Variants in PIP4K2B observed in about 807,000 individuals in gnomAD.
The protein encoded by PIP4K2B is phosphatidylinositol 5-phosphate 4-kinase type-2 beta.
Under a neutral mutation model 42.0 loss-of-function variants are expected in PIP4K2B, and 3 were observed. That is an observed-to-expected ratio of 0.07 (90% confidence interval 0.03 to 0.18). The LOEUF (loss-of-function observed/expected upper bound fraction) is 0.18, where lower values mean the gene tolerates loss of function less well. Ranked by LOEUF, PIP4K2B falls within the 10% of genes least tolerant of loss-of-function variation. The pLI, the probability that PIP4K2B is intolerant of heterozygous loss-of-function variation, is 1.00. For missense variants in PIP4K2B, 332 were observed against 562.3 expected (o/e 0.59, Z 4.14); for synonymous variants, 204 against 210.1 (o/e 0.97, Z 0.25).
At chr17:38,788,780 ATCTC>A (rs1910181310) in intron 1 of PIP4K2B, among the ~76,000 whole-genome samples, 1 of 151,978 alleles carries the variant, frequency 6.6e-6, no homozygotes, top group Non-Finnish European at 1.5e-5. Flanking sequence ...GTGAAACCCT[ATCTC>A]TACTAAAAAT....
At chr17:38,791,164 G>C (rs1485257078) in intron 1 of PIP4K2B, among the ~76,000 whole-genome samples, 5 of 152,144 alleles carry the variant, frequency 3.3e-5, no homozygotes, top group Non-Finnish European at 7.3e-5. Context: ...GAGGCTCAGA[G>C]AAGGATGAGG....
At chr17:38,780,148 G>A (rs1028211019) in intron 4 of PIP4K2B, among the ~76,000 whole-genome samples, 8 of 152,196 alleles carry the variant, frequency 5.3e-5, no homozygotes, top group Non-Finnish European at 1.0e-4. Flanking sequence ...GAGATGGGAC[G>A]GGAAAAGAAA....
rs1009005379 is a variant in PIP4K2B at position 38,768,525 on chromosome 17, G to C, written c.*1166C>G. 2 of 152,436 alleles carry C rather than the reference G, an allele frequency of 1.3e-5. No homozygotes were observed. 9.4% of individuals were successfully genotyped at this position (152,436 alleles called of 1,614,324 possible). On this transcript the variant is annotated 3_prime_UTR_variant, in exon 10 of 10. Coordinates refer to ENST00000619039, the MANE Select transcript of PIP4K2B (RefSeq NM_003559.5). Reference sequence around the variant, plus strand: ...CTCACGTTTGGACACCACACTCTAAGATGGGGGCACCTTGCTGGCTGTAAC... The same window carrying C: ...CTCACGTTTGGACACCACACTCTAACATGGGGGCACCTTGCTGGCTGTAAC...
intron 9 of PIP4K2B, 92 bp from the exon 10 acceptor site, chr17:38,769,863 T>A: frequency 8.4e-7 from 1 of 1,196,156 alleles, no homozygotes; most frequent in Non-Finnish European, 1.2e-6. Flanking sequence ...AGAAGCCTCT[T>A]ACTCAGTATC....
chr17:38,771,290 G>A lies in PIP4K2B; in HGVS notation c.808-18C>T. The A allele has an allele frequency of 6.2e-7, 1 of 1,613,786 alleles. No homozygotes were observed. The highest frequency in any genetic ancestry group is 8.5e-7 in the Non-Finnish European group (1 of 1,179,764). On this transcript the variant is annotated intron_variant, in intron 7 of 9. Transcript: ENST00000619039. ...GCCAAGAACTAGGAAGGGCAAGGAT[G>A]GAAAGATGGAAGGAAGAAGAGGTTA... is the stretch of plus-strand genomic sequence containing the variant.
At position 38,765,747 on chromosome 17, in the gene PIP4K2B, T is replaced by C. The variant is rs886760587; in HGVS notation, c.*3944A>G. 6.6e-6 allele frequency: 1 copy of C among 152,562 alleles called. No homozygotes were observed. Among genetic ancestry groups the C allele is most frequent in the African/African-American group, 2.4e-5 (1 of 41,448 alleles). The allele number at this position is 152,562 out of a possible 1,614,324, so 9.5% of individuals were successfully genotyped here. ...CTCAGGTTGGAGATTCATCGTAACA[T>C]GCATGCATTTTCAAACAGTAACAGG... On this transcript the variant is annotated 3_prime_UTR_variant, in exon 10 of 10. Coordinates refer to ENST00000619039, the MANE Select transcript of PIP4K2B (RefSeq NM_003559.5).
chr17:38,770,351 C>A, intron 9 of PIP4K2B, 85 bp downstream of exon 9: 1 of 778,430 alleles, frequency 1.3e-6, no homozygotes, highest in Non-Finnish European at 2.3e-6. Flanking sequence ...GAGCAGGAGG[C>A]CTGAGACTGC....
Position 38,799,181 on chromosome 17 carries a change from G to C in PIP4K2B, c.159+85C>G. ...CGAGGGGTGGCAGGCGTCACCGGCA[G>C]GGCCTGCGGGGCAAGGGCCCAGGGC... On this transcript the variant is annotated intron_variant, in intron 1 of 9. Coordinates refer to ENST00000619039, the MANE Select transcript of PIP4K2B (RefSeq NM_003559.5). The surrounding 1 kb of genome is among the most constrained non-coding windows in gnomAD (Gnocchi z 4.4). The C allele has an allele frequency of 7.3e-7, 1 of 1,377,684 alleles. No individual in the cohort carries two copies. Among genetic ancestry groups the C allele is most frequent in the Non-Finnish European group, 9.5e-7 (1 of 1,049,920 alleles). The allele number at this position is 1,377,684 out of a possible 1,614,324, so 85.3% of individuals were successfully genotyped here.
chr17:38,781,957 C>T (rs980338107), intron 3 of PIP4K2B, among the ~76,000 whole-genome samples: 1 of 152,058 alleles, frequency 6.6e-6, no homozygotes, highest in African/African-American at 2.4e-5. Flanking sequence ...GGACTATAGG[C>T]ATGCACCACC....
chr17:38,793,632 A>G (rs1466133462), intron 1 of PIP4K2B, among the ~76,000 whole-genome samples: 4 of 152,194 alleles, frequency 2.6e-5, no homozygotes, highest in Non-Finnish European at 5.9e-5. Flanking sequence ...GCACTTTGGA[A>G]GACCGAGGTG....
Position 38,780,315 on chromosome 17 carries a change from GAGA to G in PIP4K2B, c.507+134_507+136del, listed in dbSNP as rs571614329. The stretch of plus-strand genomic sequence containing the variant: ...TCAGCTCACAGAAATACGGTTGCAG[GAGA>G]GTCCCACTGCTTGGTGATCAGAAGC... On this transcript the variant is annotated intron_variant, in intron 4 of 9. Transcript: ENST00000619039. The G allele has an allele frequency of 2.0e-3, 1,281 of 628,734 alleles. 12 individuals carry two copies. Among genetic ancestry groups the G allele is most frequent in the East Asian group, 0.011 (402 of 35,240 alleles). 38.9% of individuals were successfully genotyped at this position (628,734 alleles called of 1,614,324 possible).
At position 38,780,557 on chromosome 17, in the gene PIP4K2B, C is replaced by G. The variant is rs374921834; in HGVS notation, c.402G>C (p.Arg134=). The G allele has an allele frequency of 3.7e-6, 6 of 1,613,732 alleles. No individual in the cohort carries two copies. The highest frequency in any genetic ancestry group is 4.2e-6 in the Non-Finnish European group (5 of 1,179,618). Residue 134 remains arginine, a synonymous_variant, in exon 4 of 10, where the codon CGG becomes CGC. Coordinates refer to ENST00000619039, the MANE Select transcript of PIP4K2B (RefSeq NM_003559.5). The part of the protein sequence containing the change: ...SAPINSDSQG[R]CGTRFLTTYD... ...AGGTGGTGAGGAAACGCGTGCCACACCGACCCTGGCTGTCACTGTTGATGG... is the reference window on the plus strand; with the variant it reads ...AGGTGGTGAGGAAACGCGTGCCACAGCGACCCTGGCTGTCACTGTTGATGG...
chr17:38,795,098 T>C (rs1279013352), intron 1 of PIP4K2B, among the ~76,000 whole-genome samples: 32 of 15,882 alleles, frequency 2.0e-3, no homozygotes, highest in African/African-American at 7.4e-3. Flanking sequence ...AAACTCCATC[T>C]CAAAAAAAAA....
At position 38,766,195 on chromosome 17, in the gene PIP4K2B, T is replaced by C. The variant is rs748009470; in HGVS notation, c.*3496A>G. 2 of 152,224 alleles carry C rather than the reference T, an allele frequency of 1.3e-5. No homozygotes were observed. The highest frequency in any genetic ancestry group is 2.4e-5 in the African/African-American group (1 of 41,438). The allele number at this position is 152,224 out of a possible 1,614,324, so 9.4% of individuals were successfully genotyped here. A position where few individuals can be genotyped will look rare whatever the true frequency, so the allele number is the denominator to read the frequency against. The stretch of plus-strand genomic sequence containing the variant: ...CTGACCCCTGCAGATGGCTGGTAGA[T>C]TGGGGAACAGTTGTCTGAATGGGTT... On this transcript the variant is annotated 3_prime_UTR_variant, in exon 10 of 10. Coordinates refer to ENST00000619039, the MANE Select transcript of PIP4K2B (RefSeq NM_003559.5).
chr17:38,784,393 C>CTAT (rs1174507164), intron 2 of PIP4K2B, 54 bp from the exon 3 acceptor site: 8 of 927,884 alleles, frequency 8.6e-6, no homozygotes, highest in South Asian at 4.4e-5. Context: ...CATCTTAATT[C>CTAT]TATTATTATT....
At chr17:38,786,095 G>A (rs774426182) in intron 2 of PIP4K2B, among the ~76,000 whole-genome samples, 13 of 152,214 alleles carry the variant, frequency 8.5e-5, no homozygotes, top group Middle Eastern at 3.2e-3. Context: ...ATGGTGGGGT[G>A]ACAGAACCCA....
At chr17:38,795,634 C>T (rs1236262223) in intron 1 of PIP4K2B, among the ~76,000 whole-genome samples, 2 of 151,624 alleles carry the variant, frequency 1.3e-5, no homozygotes, top group African/African-American at 2.4e-5. Flanking sequence ...ACCTGTAATC[C>T]GAGGTACTTG....
intron 1 of PIP4K2B, among the ~76,000 whole-genome samples, chr17:38,796,150 AC>A (rs1244995204): frequency 6.6e-6 from 1 of 152,138 alleles, no homozygotes; most frequent in Non-Finnish European, 1.5e-5. Flanking sequence ...AAACAAACAA[AC>A]AAACAAAATC....
intron 1 of PIP4K2B, among the ~76,000 whole-genome samples, chr17:38,790,682 T>C (rs228306): frequency 0.77 from 116,355 of 151,980 alleles, 45,574 homozygotes; most frequent in Admixed American, 0.88. Context: ...TGGTCTCGAA[T>C]TCCTGACCTC....
Sources: gnomAD v4.1 joint callset for allele counts (sites outside exome capture counted in the v4.1 genomes callset) on GRCh38, gnomAD v4.1.1 for gene constraint, Gnocchi (gnomAD v3.1) non-coding constraint, MANE v1.5 for transcripts, NCBI Gene and HGNC (gene_info 2026-07-23, HGNC 2026-07-21) for gene names.